SH3RF2: variants seen among roughly 807,000 people sequenced by gnomAD.
The protein encoded by SH3RF2 is E3 ubiquitin-protein ligase SH3RF2.
In SH3RF2, 43 loss-of-function variants were observed where a neutral mutation model predicts 59.0. That is an observed-to-expected ratio of 0.73 (90% CI 0.57 to 0.94). The LOEUF is 0.94. SH3RF2 is among the 40% of genes least tolerant of loss of function. The pLI, the probability that SH3RF2 is intolerant of heterozygous loss-of-function variation, is 0.00. For missense variants in SH3RF2, 930 were observed against 940.1 expected (o/e 0.99, Z 0.14); for synonymous variants, 391 against 391.5 (o/e 1.00, Z 0.01).
At chr5:146,020,013 T>C (rs578088990) in intron 5 of SH3RF2, among the ~76,000 whole-genome samples, 41 of 152,302 alleles carry the variant, frequency 2.7e-4, no homozygotes, top group African/African-American at 7.9e-4. Context: ...TGGAGGAGTC[T>C]TTAGGGTTTT....
intron 5 of SH3RF2, among the ~76,000 whole-genome samples, chr5:146,026,277 T>A (rs144760357): frequency 6.6e-6 from 1 of 152,326 alleles, no homozygotes; most frequent in Non-Finnish European, 1.5e-5. Flanking sequence ...ATAACATCTT[T>A]GAGCCACATA....
intron 9 of SH3RF2, among the ~76,000 whole-genome samples, chr5:146,070,929 A>G (rs1483053281): frequency 1.3e-5 from 2 of 152,162 alleles, no homozygotes; most frequent in Non-Finnish European, 2.9e-5. Context: ...TTTGTGCACT[A>G]TGTGCATTTT....
chr5:146,066,857 T>A (rs538603686), downstream of SH3RF2, among the ~76,000 whole-genome samples: 1 of 152,272 alleles, frequency 6.6e-6, no homozygotes, highest in East Asian at 1.9e-4. Context: ...CAACTAAGGT[T>A]CAGACAGTAC....
chr5:146,009,675 T>TA (rs1351720539), intron 4 of SH3RF2, among the ~76,000 whole-genome samples: 1 of 152,206 alleles, frequency 6.6e-6, no homozygotes, highest in Non-Finnish European at 1.5e-5. Context: ...GCTGGCTCTG[T>TA]AATTTATAAG....
At chr5:146,052,934 A>G (rs1216725362) in intron 7 of SH3RF2, among the ~76,000 whole-genome samples, 1 of 151,988 alleles carries the variant, frequency 6.6e-6, no homozygotes, top group African/African-American at 2.4e-5. Flanking sequence ...TTTTCCCCCT[A>G]GCCTTTGTCT....
intron 2 of SH3RF2, among the ~76,000 whole-genome samples, chr5:145,973,865 G>A (rs1236801341): frequency 1.3e-5 from 2 of 152,162 alleles, no homozygotes; most frequent in Non-Finnish European, 2.9e-5. Context: ...AGTAAAAAGG[G>A]GTGAGGGAGA....
intron 7 of SH3RF2, 51 bp downstream of exon 7, chr5:146,049,296 G>A: frequency 6.5e-7 from 1 of 1,547,944 alleles, no homozygotes; most frequent in Non-Finnish European, 8.7e-7. Flanking sequence ...CCCTAGGCCA[G>A]GGGCCATCTG....
At chr5:146,002,458 AAAAAGAAAG>A (rs1314171608) in intron 3 of SH3RF2, among the ~76,000 whole-genome samples, 12 of 146,392 alleles carry the variant, frequency 8.2e-5, no homozygotes, top group African/African-American at 1.3e-4. Context: ...CTAAAAATTA[AAAAAGAAAG>A]AAAAGGAAGG....
chr5:146,011,245 G>T (rs1760878187), intron 4 of SH3RF2, among the ~76,000 whole-genome samples: 1 of 152,148 alleles, frequency 6.6e-6, no homozygotes, highest in African/African-American at 2.4e-5. Flanking sequence ...CTATATCTCT[G>T]TTTAGGTACC....
chr5:146,007,175 T>G (rs1365992368), intron 4 of SH3RF2, among the ~76,000 whole-genome samples: 1 of 152,126 alleles, frequency 6.6e-6, no homozygotes, highest in Admixed American at 6.5e-5. Flanking sequence ...TGACCAGGTT[T>G]GGATTTCTTA....
chr5:146,064,786 AGGAAGGAAGG>A (rs1763043980), downstream of SH3RF2, among the ~76,000 whole-genome samples: 2 of 21,368 alleles, frequency 9.4e-5, no homozygotes, highest in African/African-American at 3.3e-4. Context: ...AAAGGAAGGA[AGGAAGGAAGG>A]AAGGAAGGAA....
intron 5 of SH3RF2, among the ~76,000 whole-genome samples, chr5:146,032,344 G>A (rs757763517): frequency 6.6e-6 from 1 of 152,088 alleles, no homozygotes; most frequent in Non-Finnish European, 1.5e-5. Flanking sequence ...AAGCCCCATG[G>A]GTGATGACCT....
intron 2 of SH3RF2, among the ~76,000 whole-genome samples, chr5:145,972,836 C>T (rs56340164): frequency 0.086 from 13,095 of 152,060 alleles, 1,849 homozygotes; most frequent in African/African-American, 0.29. Context: ...GGGCTGGCAG[C>T]GTGCAATACC....
chr5:145,984,121 A>T (rs1076334), intron 2 of SH3RF2, among the ~76,000 whole-genome samples: 1 of 152,040 alleles, frequency 6.6e-6, no homozygotes, highest in South Asian at 2.1e-4. Context: ...CTACTAGAAT[A>T]TAAGTCCCAT....
At chr5:146,069,139 G>A (rs548884813) in intron 9 of SH3RF2, among the ~76,000 whole-genome samples, 6 of 152,272 alleles carry the variant, frequency 3.9e-5, no homozygotes, top group African/African-American at 1.2e-4. Flanking sequence ...GCAACCTAAG[G>A]CCGTAGATAT....
intron 2 of SH3RF2, among the ~76,000 whole-genome samples, chr5:145,971,011 A>T (rs1688428368): frequency 6.6e-6 from 1 of 152,210 alleles, no homozygotes; most frequent in Non-Finnish European, 1.5e-5. Flanking sequence ...TGGGAACCTC[A>T]TTCCAAAGCC....
chr5:146,021,958 G>T (rs1761337209), intron 5 of SH3RF2, among the ~76,000 whole-genome samples: 1 of 152,284 alleles, frequency 6.6e-6, no homozygotes, highest in East Asian at 1.9e-4. Context: ...TACCACTTTT[G>T]TTATTGTTGT....
intron 5 of SH3RF2, among the ~76,000 whole-genome samples, chr5:146,017,379 C>T (rs987799678): frequency 6.6e-6 from 1 of 152,112 alleles, no homozygotes; most frequent in Non-Finnish European, 1.5e-5. Flanking sequence ...TGGGGAGTCA[C>T]ATGTGCAGGG....
intron 9 of SH3RF2, among the ~76,000 whole-genome samples, chr5:146,068,919 T>A: frequency 6.6e-6 from 1 of 152,282 alleles, no homozygotes; most frequent in East Asian, 1.9e-4. Context: ...ACTCAGCTTT[T>A]TTAAAAATAG....
Sources: allele counts gnomAD v4.1 joint callset (sites outside exome capture counted in the v4.1 genomes callset), GRCh38; gene constraint gnomAD v4.1.1; transcripts MANE v1.5; gene names NCBI Gene and HGNC (gene_info 2026-07-23, HGNC 2026-07-21).